The following AFDN variants were observed in gnomAD, a reference collection of about 807,000 sequenced individuals.
AFDN encodes the protein afadin, adherens junction formation factor.
In AFDN, 68 loss-of-function variants were observed where a neutral mutation model predicts 216.6. That is an observed-to-expected ratio of 0.31 (90% CI 0.26 to 0.38). The LOEUF (loss-of-function observed/expected upper bound fraction) is 0.38. AFDN is among the 10% of genes least tolerant of loss of function. The pLI is 1.00. For synonymous variants in AFDN, 868 were observed against 853.7 expected (o/e 1.02, Z -0.29); for missense variants, 2,136 against 2,342.0 (o/e 0.91, Z 1.82).
intron 25 of AFDN, 125 bp from the exon 26 acceptor site, chr6:167,943,816 A>C: frequency 1.2e-6 from 1 of 843,666 alleles, no homozygotes; most frequent in Non-Finnish European, 1.9e-6. Flanking sequence ...GGAAGTCAGA[A>C]CCATTACTCA....
chr6:167,954,507 T>G, intron 30 of AFDN: 1 of 1,603,754 alleles, frequency 6.2e-7, no homozygotes, highest in Non-Finnish European at 8.5e-7. Flanking sequence ...TGTTCTTGTT[T>G]CTTTCCCTTT....
chr6:167,917,693 A>G (rs16886299), intron 20 of AFDN, among the ~76,000 whole-genome samples: 18,595 of 152,280 alleles, frequency 0.12, 1,350 homozygotes, highest in South Asian at 0.23. Flanking sequence ...TTAGCTATTT[A>G]TAAAGAGAAA....
chr6:167,846,354 G>A (rs1781681650), intron 1 of AFDN, among the ~76,000 whole-genome samples: 1 of 151,976 alleles, frequency 6.6e-6, no homozygotes, highest in Non-Finnish European at 1.5e-5. Flanking sequence ...TTTTTCATAT[G>A]ACTACAAAAA....
intron 1 of AFDN, among the ~76,000 whole-genome samples, chr6:167,836,096 A>G (rs1244678099): frequency 6.6e-6 from 1 of 152,176 alleles, no homozygotes; most frequent in Non-Finnish European, 1.5e-5. Context: ...ACACATTTAC[A>G]TTTTTGTGAC....
chr6:167,892,513 C>A, intron 8 of AFDN, among the ~76,000 whole-genome samples: 1 of 152,220 alleles, frequency 6.6e-6, no homozygotes, highest in African/African-American at 2.4e-5. Flanking sequence ...TTTTGAGGAT[C>A]TAAGAGTGTT....
At chr6:167,889,107 T>C in intron 6 of AFDN, 108 bp from the exon 7 acceptor site, 1 of 688,014 alleles carries the variant, frequency 1.5e-6, no homozygotes, top group Non-Finnish European at 2.5e-6. Context: ...TAGTGCTTAA[T>C]TCTACGGTGA....
At chr6:167,902,160 G>A (rs1258352471) in intron 11 of AFDN, among the ~76,000 whole-genome samples, 157 bp from the exon 12 acceptor site, 2 of 151,660 alleles carry the variant, frequency 1.3e-5, no homozygotes, top group African/African-American at 4.8e-5. Context: ...TTCATAAGGT[G>A]GTTTTTTAAT....
rs550245508 is a variant in AFDN at position 167,883,566 on chromosome 6, G to A, written c.897+3049G>A. On this transcript the variant is annotated intron_variant, in intron 6 of 33. Transcript: ENST00000683244. ...AGACCGTCACGGTAAATCTGGCATC[G>A]CAGTATAGTGAATCACAGGAGTGTT... is the stretch of plus-strand genomic sequence containing the variant. 2.8e-4 allele frequency among the ~76,000 whole-genome samples: 43 copies of A among 152,278 alleles called. No homozygotes were observed. In the South Asian group the frequency reaches 8.7e-3, roughly 31 times the overall value.
At chr6:167,840,767 G>A (rs547915650) in intron 1 of AFDN, among the ~76,000 whole-genome samples, 1 of 152,346 alleles carries the variant, frequency 6.6e-6, no homozygotes, top group South Asian at 2.1e-4. Flanking sequence ...GTAAATCATG[G>A]TCAGTTCTTA....
chr6:167,889,999 A>G (rs778646834), intron 7 of AFDN, among the ~76,000 whole-genome samples: 1 of 152,230 alleles, frequency 6.6e-6, no homozygotes, highest in African/African-American at 2.4e-5. Flanking sequence ...GCACTACTGA[A>G]ACAATTTTCC....
intron 24 of AFDN, 91 bp from the exon 25 acceptor site, chr6:167,943,311 A>T: frequency 7.0e-7 from 1 of 1,436,638 alleles, no homozygotes; most frequent in Non-Finnish European, 9.8e-7. Flanking sequence ...TGGAAGAACA[A>T]ATAGAGTATC....
intron 17 of AFDN, 139 bp downstream of exon 17, chr6:167,914,452 A>G (rs1264984509): frequency 6.3e-6 from 7 of 1,103,010 alleles, no homozygotes; most frequent in Non-Finnish European, 9.0e-6. Context: ...ATTTTTGCAA[A>G]ATGTATTAAC....
chr6:167,967,063 AGTC>A (rs749886314), intron 32 of AFDN, among the ~76,000 whole-genome samples: 13 of 152,228 alleles, frequency 8.5e-5, no homozygotes, highest in Admixed American at 2.6e-4. Flanking sequence ...TGGGTTCAGT[AGTC>A]ATTGTTTTCA....
At chr6:167,948,029 T>C in intron 28 of AFDN, 85 bp downstream of exon 28, 1 of 1,044,160 alleles carries the variant, frequency 9.6e-7, no homozygotes, top group Non-Finnish European at 1.4e-6. Flanking sequence ...CTAGTACAAT[T>C]TTTACTCTGA....
intron 5 of AFDN, among the ~76,000 whole-genome samples, chr6:167,875,702 TTACCCAATACAGC>T (rs1785282613): frequency 6.6e-6 from 1 of 152,010 alleles, no homozygotes; most frequent in Non-Finnish European, 1.5e-5. Flanking sequence ...TTTCATACTT[TTACCCAATACAGC>T]TCTTAAAAAA....
intron 9 of AFDN, among the ~76,000 whole-genome samples, chr6:167,894,969 C>T (rs1236624998): frequency 6.6e-6 from 1 of 152,066 alleles, no homozygotes; most frequent in East Asian, 1.9e-4. Context: ...ACTGCTTTTG[C>T]TTTCTTTATA....
chr6:167,963,435 T>A, intron 31 of AFDN: 1 of 1,054,542 alleles, frequency 9.5e-7, no homozygotes, highest in African/African-American at 1.7e-5. Context: ...TTTTTATTAA[T>A]AATTCCTTCT....
At chr6:167,854,848 A>G (rs893540143) in intron 1 of AFDN, among the ~76,000 whole-genome samples, 3 of 150,724 alleles carry the variant, frequency 2.0e-5, no homozygotes, top group Non-Finnish European at 4.4e-5. Flanking sequence ...TTTCTTGCTT[A>G]TTTTCCTCAT....
intron 1 of AFDN, among the ~76,000 whole-genome samples, chr6:167,845,196 TTTTC>T (rs1781524461): frequency 1.3e-5 from 2 of 152,210 alleles, no homozygotes; most frequent in Non-Finnish European, 2.9e-5. Context: ...GCCATCTTTA[TTTTC>T]TTTCTATGTG....
Sources: allele counts gnomAD v4.1 joint callset (sites outside exome capture counted in the v4.1 genomes callset), GRCh38; gene constraint gnomAD v4.1.1; transcripts MANE v1.5; gene names NCBI Gene and HGNC (gene_info 2026-07-23, HGNC 2026-07-21).